Variants in RAB21 observed in about 807,000 individuals in gnomAD.
RAB21 encodes RAB21, member RAS oncogene family.
Under a neutral mutation model 33.1 loss-of-function variants are expected in RAB21, and 13 were observed. The ratio of observed to expected loss-of-function variants is 0.39; its 90% CI spans 0.26 to 0.62. The LOEUF (loss-of-function observed/expected upper bound fraction) is 0.62, where lower values mean the gene tolerates loss of function less well. Among genes scored for constraint, RAB21 ranks in the 20% least tolerant of loss-of-function variants. The pLI, the probability that RAB21 is intolerant of heterozygous loss-of-function variation, is 0.48. For synonymous variants in RAB21, 91 were observed against 103.7 expected, an observed-to-expected ratio of 0.88 and a Z score of 0.74; for missense variants, 234 against 279.1, an observed-to-expected ratio of 0.84 and a Z score of 1.15.
chr12:71,785,900 GT>G lies in RAB21; in HGVS notation c.*236del, dbSNP rs369714985. 943 of 345,120 alleles carry G rather than the reference GT, an allele frequency of 2.7e-3. 9 individuals are homozygous for G. The highest frequency in any genetic ancestry group is 0.021 in the African/African-American group (826 of 39,016). The allele number at this position is 345,120 out of a possible 1,614,324, so 21.4% of individuals were successfully genotyped here. ...AAATGTTTTTTTTTGTTTTTTTTTT[GT>G]TTTTTTTTGTTTTTTTTTGAGACGG... On this transcript the variant is annotated 3_prime_UTR_variant, in exon 7 of 7. Coordinates refer to ENST00000261263, the MANE Select transcript of RAB21 (RefSeq NM_014999.4).
rs138812833 is a variant in RAB21, at chr12:71,793,957, T to A, written c.*8284T>A. The A allele has an allele frequency of 7.2e-5, 11 of 152,468 alleles. No homozygotes were observed. Among genetic ancestry groups the A allele is most frequent in the African/African-American group, 2.2e-4 (9 of 41,582 alleles). The allele number at this position is 152,468 out of a possible 1,614,324, so 9.4% of individuals were successfully genotyped here. A position where few individuals can be genotyped will look rare whatever the true frequency, so the allele number is the denominator to read the frequency against. On this transcript the variant is annotated 3_prime_UTR_variant, in exon 7 of 7. Transcript: ENST00000261263. Reference sequence around the variant, plus strand: ...CTGGCTGGGAGCCATGGCTCATGCCTGTAATCCAGCACTTTGGGAGGCTGA... The same window carrying A: ...CTGGCTGGGAGCCATGGCTCATGCCAGTAATCCAGCACTTTGGGAGGCTGA...
At chr12:71,757,386 A>G (rs915301683) in intron 1 of RAB21, among the ~76,000 whole-genome samples, 1 of 152,230 alleles carries the variant, frequency 6.6e-6, no homozygotes, top group Non-Finnish European at 1.5e-5. Context: ...CTGGGATTAC[A>G]GGGGTGAGCC....
In RAB21 at chr12:71,790,037, T is replaced by TTA. The variant is rs1424273237; in HGVS notation, c.*4367_*4368dup. ...TAGCAGTTCTTGTGCTATCTAGGAT[T>TTA]TATACATTTTTGCTTTTCTGGAAAA... On this transcript the variant is annotated 3_prime_UTR_variant, in exon 7 of 7. Transcript: ENST00000261263. 5 of 152,184 alleles carry TTA rather than the reference T, an allele frequency of 3.3e-5. No homozygotes were observed. Among genetic ancestry groups the TTA allele is most frequent in the Non-Finnish European group, 7.4e-5 (5 of 68,004 alleles). The allele number at this position is 152,184 out of a possible 1,614,324, so 9.4% of individuals were successfully genotyped here.
chr12:71,788,519 A>G lies in RAB21; in HGVS notation c.*2846A>G, dbSNP rs189670165. On this transcript the variant is annotated 3_prime_UTR_variant, in exon 7 of 7. Coordinates refer to ENST00000261263, the MANE Select transcript of RAB21 (RefSeq NM_014999.4). ...TTCAGTATATATACAAAGGAAAGAC[A>G]AAGAGATGATAAACCAAGGCTGAGG... 4 of 152,292 alleles carry G rather than the reference A, an allele frequency of 2.6e-5. No homozygotes were observed. The highest frequency in any genetic ancestry group is 2.1e-4 in the South Asian group (1 of 4,828). The allele number at this position is 152,292 out of a possible 1,614,324, so 9.4% of individuals were successfully genotyped here.
In RAB21 at chr12:71,755,023, CGGGGCCGGGGCGGT is replaced by C. The variant is rs1565881333; in HGVS notation, c.-102_-89del. 8 of 978,570 alleles carry C rather than the reference CGGGGCCGGGGCGGT, an allele frequency of 8.2e-6. No individual in the cohort carries two copies. Among genetic ancestry groups the C allele is most frequent in the Non-Finnish European group, 8.5e-6 (7 of 819,460 alleles). The allele number at this position is 978,570 out of a possible 1,614,324, so 60.6% of individuals were successfully genotyped here. A position where few individuals can be genotyped will look rare whatever the true frequency, so the allele number is the denominator to read the frequency against. On this transcript the variant is annotated 5_prime_UTR_variant, in exon 1 of 7. Transcript: ENST00000261263. Reference sequence around the variant, plus strand: ...GGCGTGGGGACAGCGCCCGGGTCGGCGGGGCCGGGGCGGTGGGGGCTGAGCCGGCCGTGGCTGTG... The same window carrying C: ...GGCGTGGGGACAGCGCCCGGGTCGGCGGGGGCTGAGCCGGCCGTGGCTGTG...
At chr12:71,782,169 T>G in intron 5 of RAB21, 84 bp downstream of exon 5, 2 of 1,259,140 alleles carry the variant, frequency 1.6e-6, no homozygotes, top group Non-Finnish European at 2.3e-6. Context: ...ATTTAGGTAT[T>G]ACTCAAATCT....
chr12:71,784,651 G>GT (rs1207716248), intron 6 of RAB21, among the ~76,000 whole-genome samples: 1 of 151,962 alleles, frequency 6.6e-6, no homozygotes, highest in African/African-American at 2.4e-5. Context: ...TCTGGACTGT[G>GT]TTTTTTTGGT....
In RAB21 at chr12:71,799,831, G is replaced by A. The variant is rs940847153; in HGVS notation, c.*14158G>A. 1 of 152,164 alleles carries A rather than the reference G, an allele frequency of 6.6e-6. No homozygotes were observed. Among genetic ancestry groups the A allele is most frequent in the African/African-American group, 2.4e-5 (1 of 41,438 alleles). 9.4% of individuals were successfully genotyped at this position (152,164 alleles called of 1,614,324 possible). A position where few individuals can be genotyped will look rare whatever the true frequency, so the allele number is the denominator to read the frequency against. On this transcript the variant is annotated 3_prime_UTR_variant, in exon 7 of 7. Transcript: ENST00000261263. The stretch of plus-strand genomic sequence containing the variant: ...TTCACACCTGTAATCCCAGCATTTT[G>A]GGAGGCCAAGATGGGCGGATCATAT...
In RAB21 at chr12:71,800,190, C is replaced by T. The variant is rs1271624050; in HGVS notation, c.*14517C>T. 1 of 152,076 alleles carries T rather than the reference C, an allele frequency of 6.6e-6. No homozygotes were observed. Among genetic ancestry groups the T allele is most frequent in the Non-Finnish European group, 1.5e-5 (1 of 68,004 alleles). The allele number at this position is 152,076 out of a possible 1,614,324, so 9.4% of individuals were successfully genotyped here. A position where few individuals can be genotyped will look rare whatever the true frequency, so the allele number is the denominator to read the frequency against. On this transcript the variant is annotated 3_prime_UTR_variant, in exon 7 of 7. Transcript: ENST00000261263. ...ATTCCACAAAATTTCCTTACACTTT[C>T]TTGTAATCCCTTCTCCCTCCCATTC...
At chr12:71,782,921 A>T (rs1883223197) in intron 6 of RAB21, among the ~76,000 whole-genome samples, 1 of 152,078 alleles carries the variant, frequency 6.6e-6, no homozygotes, top group Non-Finnish European at 1.5e-5. Context: ...ATGCATAAGT[A>T]TTAAAAGTGG....
At chr12:71,785,074 G>T (rs965856660) in intron 6 of RAB21, among the ~76,000 whole-genome samples, 1 of 152,124 alleles carries the variant, frequency 6.6e-6, no homozygotes, top group Non-Finnish European at 1.5e-5. Flanking sequence ...TCCAGCCTGG[G>T]TATCAAAGCG....
intron 4 of RAB21, among the ~76,000 whole-genome samples, chr12:71,776,836 A>G (rs1327498773): frequency 2.0e-5 from 3 of 152,156 alleles, no homozygotes; most frequent in Admixed American, 1.3e-4. Flanking sequence ...CAAAATCTCT[A>G]TGGATGGGAC....
chr12:71,761,058 A>T (rs1350018735), intron 1 of RAB21, among the ~76,000 whole-genome samples: 1 of 151,652 alleles, frequency 6.6e-6, no homozygotes, highest in African/African-American at 2.4e-5. Context: ...AAAAAAAAAA[A>T]TAGCTGGGCA....
chr12:71,785,798 A>G lies in RAB21; in HGVS notation c.*125A>G. 1 of 1,188,146 alleles carries G rather than the reference A, an allele frequency of 8.4e-7. No homozygotes were observed. The highest frequency in any genetic ancestry group is 1.2e-6 in the Non-Finnish European group (1 of 843,438). 73.6% of individuals were successfully genotyped at this position (1,188,146 alleles called of 1,614,324 possible). A position where few individuals can be genotyped will look rare whatever the true frequency, so the allele number is the denominator to read the frequency against. On this transcript the variant is annotated 3_prime_UTR_variant, in exon 7 of 7. Transcript: ENST00000261263. ...AATTATAGAATTAACAGTATTTTAAATTACGTTTATAACACTGCAGAGACC... is the reference window on the plus strand; with the variant it reads ...AATTATAGAATTAACAGTATTTTAAGTTACGTTTATAACACTGCAGAGACC...
intron 1 of RAB21, among the ~76,000 whole-genome samples, chr12:71,765,609 A>C (rs1882948008): frequency 6.6e-6 from 1 of 152,250 alleles, no homozygotes; most frequent in South Asian, 2.1e-4. Flanking sequence ...TCTTTGATCC[A>C]TCTTGAGTTG....
At chr12:71,770,056 A>G (rs1259685878) in intron 2 of RAB21, among the ~76,000 whole-genome samples, 197 bp downstream of exon 2, 1 of 152,020 alleles carries the variant, frequency 6.6e-6, no homozygotes, top group African/African-American at 2.4e-5. Context: ...AGAAGGGTCA[A>G]CTCAGAGGGG....
chr12:71,770,631 A>G lies in RAB21; in HGVS notation c.259A>G (p.Ile87Val), dbSNP rs1179214667. ...AGAGAGATTCCATGCATTGGGTCCAATTTACTACAGAGATTCAAATGGAGC... is the reference window on the plus strand; with the variant it reads ...AGAGAGATTCCATGCATTGGGTCCAGTTTACTACAGAGATTCAAATGGAGC... ...GQERFHALGP[I>V]YYRDSNGAIL... Residue 87 changes from isoleucine to valine, a missense_variant, in exon 3 of 7, where the codon ATT becomes GTT. Coordinates refer to ENST00000261263, the MANE Select transcript of RAB21 (RefSeq NM_014999.4). 6.2e-7 allele frequency: 1 copy of G among 1,609,520 alleles called. No homozygotes were observed. The highest frequency in any genetic ancestry group is 8.5e-7 in the Non-Finnish European group (1 of 1,176,472).
chr12:71,783,038 G>A (rs973006673), intron 6 of RAB21, among the ~76,000 whole-genome samples: 1 of 152,050 alleles, frequency 6.6e-6, no homozygotes, highest in African/African-American at 2.4e-5. Flanking sequence ...AAGAGTGTTT[G>A]TGAAACAAGA....
chr12:71,784,069 T>C (rs991983450), intron 6 of RAB21, among the ~76,000 whole-genome samples: 8 of 152,204 alleles, frequency 5.3e-5, no homozygotes, highest in East Asian at 3.8e-4. Flanking sequence ...TAAGTAGATA[T>C]AGAATTTATA....
Sources: allele counts gnomAD v4.1 joint callset (sites outside exome capture counted in the v4.1 genomes callset), GRCh38; gene constraint gnomAD v4.1.1; transcripts MANE v1.5; gene names NCBI Gene and HGNC (gene_info 2026-07-23, HGNC 2026-07-21).